CACNA1I: variants seen among roughly 807,000 people sequenced by gnomAD.
CACNA1I encodes the protein calcium voltage-gated channel subunit alpha1 I.
In CACNA1I, 74 loss-of-function variants were observed where a neutral mutation model predicts 201.6. That is an observed-to-expected ratio of 0.37 (90% CI 0.30 to 0.45). The LOEUF (loss-of-function observed/expected upper bound fraction) is 0.45, where lower values mean the gene tolerates loss of function less well. CACNA1I is among the 20% of genes least tolerant of loss of function. The pLI is 1.00. For synonymous variants in CACNA1I, 1,431 were observed against 1,345.2 expected, an observed-to-expected ratio of 1.06 and a Z score of -1.40; for missense variants, 2,346 against 3,138.1, an observed-to-expected ratio of 0.75 and a Z score of 6.03.
intron 6 of CACNA1I, among the ~76,000 whole-genome samples, chr22:39,642,298 C>G (rs1934370762): frequency 6.6e-6 from 1 of 152,106 alleles, no homozygotes; most frequent in South Asian, 2.1e-4. Flanking sequence ...TTGTCTTTCT[C>G]AAGGCTGCTC....
chr22:39,623,079 C>T (rs1189936487), intron 4 of CACNA1I, among the ~76,000 whole-genome samples: 2 of 152,192 alleles, frequency 1.3e-5, no homozygotes, highest in African/African-American at 4.8e-5. Context: ...GATGGGACCG[C>T]TGAGGCTGCA....
At chr22:39,575,616 T>C (rs987291976) in intron 1 of CACNA1I, among the ~76,000 whole-genome samples, 1 of 111,126 alleles carries the variant, frequency 9.0e-6, no homozygotes, top group Non-Finnish European at 1.8e-5. Context: ...GAGCTTGTTC[T>C]GCTGCTAGTG....
chr22:39,674,493 C>T (rs566581187), intron 29 of CACNA1I, among the ~76,000 whole-genome samples: 2 of 152,248 alleles, frequency 1.3e-5, no homozygotes, highest in South Asian at 2.1e-4. Context: ...GGAGAAGTTC[C>T]GAGATGGCAT....
rs136825 is a variant in CACNA1I, at chr22:39,646,279, A to T, written c.1150-290A>T. Among the ~76,000 whole-genome samples the T allele has an allele frequency of 0.014, 2,125 of 151,312 alleles. 22 individuals are homozygous for T. The highest frequency in any genetic ancestry group is 0.021 in the Non-Finnish European group (1,391 of 67,696). The stretch of plus-strand genomic sequence containing the variant: ...GTCCCCTGCATCTCCCCTCCCTTGC[A>T]TCTGTCTTTTCTGAGCCCGTCTTAC... On this transcript the variant is annotated intron_variant, in intron 7 of 36. Transcript: ENST00000402142.
chr22:39,652,032 G>A (rs1282985810), intron 10 of CACNA1I, among the ~76,000 whole-genome samples: 1 of 125,850 alleles, frequency 7.9e-6, no homozygotes, highest in Non-Finnish European at 1.6e-5. Context: ...CTCGGATCTG[G>A]TGGAGCCTTT....
rs1935554166 is a variant in CACNA1I at position 39,677,647 on chromosome 22, C to G, written c.4933+228C>G. On this transcript the variant is annotated intron_variant, in intron 30 of 36. Transcript: ENST00000402142. The surrounding 1 kb of genome is among the most constrained non-coding windows in gnomAD (Gnocchi z 4.8). ...AGCGCCACCCCAGCAAGTGGAGAGGCCAGGGCAGGGGAAAGAGCAACAGAG... is the reference window on the plus strand; with the variant it reads ...AGCGCCACCCCAGCAAGTGGAGAGGGCAGGGCAGGGGAAAGAGCAACAGAG... Among the ~76,000 whole-genome samples the G allele has an allele frequency of 1.3e-5, 2 of 152,210 alleles. No individual in the cohort carries two copies. Among genetic ancestry groups the G allele is most frequent in the African/African-American group, 4.8e-5 (2 of 41,458 alleles).
chr22:39,586,303 A>G (rs1932751305), intron 1 of CACNA1I, among the ~76,000 whole-genome samples: 1 of 152,032 alleles, frequency 6.6e-6, no homozygotes, highest in Non-Finnish European at 1.5e-5. Flanking sequence ...CAGCCTGGCC[A>G]ACATATAATG....
chr22:39,588,330 T>C (rs1403718106), intron 1 of CACNA1I, among the ~76,000 whole-genome samples: 1 of 151,260 alleles, frequency 6.6e-6, no homozygotes, highest in Non-Finnish European at 1.5e-5. Context: ...AATGTACAAG[T>C]TGAGCTCACA....
At chr22:39,669,901 A>G in intron 24 of CACNA1I, 137 bp from the exon 25 acceptor site, 1 of 925,270 alleles carries the variant, frequency 1.1e-6, no homozygotes, top group Non-Finnish European at 1.7e-6. Context: ...CTGCTGCCTC[A>G]TTTAGACCTC....
intron 4 of CACNA1I, among the ~76,000 whole-genome samples, chr22:39,627,337 G>A (rs1185255141): frequency 1.3e-5 from 2 of 152,226 alleles, no homozygotes; most frequent in South Asian, 2.1e-4. Flanking sequence ...CTGAAGCCAC[G>A]AGGCAGGCGG....
chr22:39,619,271 C>T lies in CACNA1I; in HGVS notation c.483-39C>T, dbSNP rs764489017. The stretch of plus-strand genomic sequence containing the variant: ...GGCCCGGGCCCTGGCCCCAGCTGGC[C>T]TCCAGCACCATCCCTCACTCTCTCT... On this transcript the variant is annotated intron_variant, in intron 3 of 36. Transcript: ENST00000402142. The T allele has an allele frequency of 9.8e-6, 15 of 1,534,782 alleles. No individual in the cohort carries two copies. The East Asian group carries it at 2.9e-4, about 30-fold the overall frequency.
chr22:39,635,849 C>A lies in CACNA1I; in HGVS notation c.740+1125C>A, dbSNP rs570634538. 1.2e-3 allele frequency among the ~76,000 whole-genome samples: 187 copies of A among 152,302 alleles called. 1 individual carries two copies. Among genetic ancestry groups the A allele is most frequent in the African/African-American group, 4.4e-3 (182 of 41,562 alleles). The stretch of plus-strand genomic sequence containing the variant: ...TTATGTGGGCTCAGCCCACCTGACA[C>A]CTCCTCCTAGAGGCCTTCCCTCGCC... On this transcript the variant is annotated intron_variant, in intron 5 of 36. Coordinates refer to ENST00000402142, the MANE Select transcript of CACNA1I (RefSeq NM_021096.4).
intron 4 of CACNA1I, among the ~76,000 whole-genome samples, chr22:39,634,008 A>C (rs1934137128): frequency 6.6e-6 from 1 of 152,236 alleles, no homozygotes; most frequent in African/African-American, 2.4e-5. Flanking sequence ...TTGGGCACGT[A>C]CTACAACCAC....
In CACNA1I at chr22:39,670,121, T is replaced by C. The variant is rs1355081753; in HGVS notation, c.4278T>C (p.Phe1426=). 6.2e-7 allele frequency: 1 copy of C among 1,613,928 alleles called. No homozygotes were observed. The highest frequency in any genetic ancestry group is 1.1e-5 in the South Asian group (1 of 91,076). The change falls in exon 25 of 37, where the codon TTT becomes TTC. Residue 1426 remains phenylalanine (F), a synonymous_variant. Transcript: ENST00000402142. Reference sequence around the variant, plus strand: ...TCAGCTTCTTTGTGCTCAACATGTTTGTGGGTGTCGTGGTGGAGAACTTCC... The same window carrying C: ...TCAGCTTCTTTGTGCTCAACATGTTCGTGGGTGTCGTGGTGGAGAACTTCC... ...LIVSFFVLNM[F]VGVVVENFHK...
intron 10 of CACNA1I, among the ~76,000 whole-genome samples, chr22:39,651,400 T>G (rs988548173): frequency 7.9e-5 from 12 of 152,200 alleles, no homozygotes; most frequent in Non-Finnish European, 2.9e-5. Context: ...GCCATGACAC[T>G]CTGTTCAGAG....
intron 1 of CACNA1I, among the ~76,000 whole-genome samples, chr22:39,595,861 C>G (rs527740441): frequency 1.3e-5 from 2 of 151,510 alleles, no homozygotes; most frequent in Non-Finnish European, 2.9e-5. Context: ...TGTAAAGTCC[C>G]TGTCCCCTTT....
chr22:39,650,029 T>A, intron 10 of CACNA1I, 104 bp downstream of exon 10: 1 of 1,265,296 alleles, frequency 7.9e-7, no homozygotes, highest in Non-Finnish European at 1.1e-6. Context: ...TTTGTGTGTC[T>A]GTCCACCTAG....
chr22:39,664,609 T>G, intron 20 of CACNA1I, 130 bp from the exon 21 acceptor site: 1 of 437,040 alleles, frequency 2.3e-6, no homozygotes, highest in Non-Finnish European at 4.3e-6. Flanking sequence ...GCCCCGCCAC[T>G]TGCAGGACCC....
chr22:39,623,145 G>T (rs958288735), intron 4 of CACNA1I, among the ~76,000 whole-genome samples: 1 of 152,230 alleles, frequency 6.6e-6, no homozygotes, highest in African/African-American at 2.4e-5. Context: ...CTTGCCAGGC[G>T]GGCTTCTCTA....
Sources: gnomAD v4.1 joint callset for allele counts (sites outside exome capture counted in the v4.1 genomes callset) on GRCh38, gnomAD v4.1.1 for gene constraint, Gnocchi (gnomAD v3.1) non-coding constraint, MANE v1.5 for transcripts, NCBI Gene and HGNC (gene_info 2026-07-23, HGNC 2026-07-21) for gene names.